Variants in CACNA1B observed in about 807,000 individuals in gnomAD.
CACNA1B encodes calcium voltage-gated channel subunit alpha1 B, also known as voltage-dependent N-type calcium channel subunit alpha-1B.
In CACNA1B, 70 loss-of-function variants were observed where a neutral mutation model predicts 247.2. The observed-to-expected ratio is 0.28, with a 90% CI of 0.23 to 0.35. CACNA1B has a LOEUF of 0.35. CACNA1B is among the 10% of genes least tolerant of loss of function. CACNA1B has a pLI of 1.00. For missense variants in CACNA1B, 2,367 were observed against 3,197.4 expected, an observed-to-expected ratio of 0.74 and a Z score of 6.26; for synonymous variants, 1,231 against 1,294.4, an observed-to-expected ratio of 0.95 and a Z score of 1.05.
chr9:138,058,679 T>A lies in CACNA1B; in HGVS notation c.4419T>A (p.Phe1473Leu), dbSNP rs1959604396. 6.2e-7 allele frequency: 1 copy of A among 1,612,726 alleles called. No homozygotes were observed. Among genetic ancestry groups the A allele is most frequent in the Non-Finnish European group, 8.5e-7 (1 of 1,179,440 alleles). ...KTWTFVVSPP[F>L]EYFIMAMIAL... ...GGACATTTGTGGTCTCCCCGCCCTTTGAATACTTCATCATGGCCATGATAG... is the reference window on the plus strand; with the variant it reads ...GGACATTTGTGGTCTCCCCGCCCTTAGAATACTTCATCATGGCCATGATAG... The change falls in exon 29 of 47, where the codon TTT becomes TTA. Residue 1473 changes from phenylalanine (F) to leucine (L), a missense_variant. By Grantham distance (22) the Phe-to-Leu change is conservative (BLOSUM62 0). Around this residue, in one of 12 missense-constraint regions of CACNA1B, gnomAD observed 436 missense variants for 679.5 expected, o/e 0.64. Transcript: ENST00000371372. This position sits in a 1 kb window ranked among gnomAD's most constrained non-coding sequence, Gnocchi z 4.7.
intron 6 of CACNA1B, among the ~76,000 whole-genome samples, chr9:137,929,706 A>T (rs1281169952): frequency 6.6e-6 from 1 of 152,140 alleles, no homozygotes; most frequent in African/African-American, 2.4e-5. Context: ...AGGCTGGAGT[A>T]CAGGGGCATG....
At chr9:138,078,584 G>A (rs949788683) in intron 36 of CACNA1B, among the ~76,000 whole-genome samples, 5 of 152,190 alleles carry the variant, frequency 3.3e-5, no homozygotes, top group South Asian at 4.1e-4. Flanking sequence ...GCCAGTGTAC[G>A]GGGAAAGCAG....
intron 3 of CACNA1B, among the ~76,000 whole-genome samples, chr9:137,900,425 G>T (rs1250981490): frequency 1.3e-5 from 2 of 152,106 alleles, no homozygotes; most frequent in African/African-American, 4.8e-5. Flanking sequence ...TGTCTCTGCT[G>T]TGTGTGTCTG....
chr9:137,880,242 G>A lies in CACNA1B; in HGVS notation c.390+1083G>A, dbSNP rs932256566. 3.9e-5 allele frequency among the ~76,000 whole-genome samples: 6 copies of A among 152,124 alleles called. No homozygotes were observed. Among genetic ancestry groups the A allele is most frequent in the Admixed American group, 3.9e-4 (6 of 15,282 alleles). On this transcript the variant is annotated intron_variant, in intron 2 of 46. Transcript: ENST00000371372. This position sits in a 1 kb window ranked among gnomAD's most constrained non-coding sequence, Gnocchi z 4.8. Reference sequence around the variant, plus strand: ...GTGAGTTATGGGTGGCCGAGGTGAGGAGGTCTTAATGGAGCACAGTCTGGA... The same window carrying A: ...GTGAGTTATGGGTGGCCGAGGTGAGAAGGTCTTAATGGAGCACAGTCTGGA...
Position 137,913,315 on chromosome 9 carries a change from C to A in CACNA1B, c.622+44C>A, listed in dbSNP as rs762076578. ...GGCCCAAGCCGGCTTGGAGTAACAA[C>A]CTCCTCTCCTACCCTCACCACGGAC... is the stretch of plus-strand genomic sequence containing the variant. On this transcript the variant is annotated intron_variant, in intron 4 of 46. Coordinates refer to ENST00000371372, the MANE Select transcript of CACNA1B (RefSeq NM_000718.4). The surrounding 1 kb of genome is among the most constrained non-coding windows in gnomAD (Gnocchi z 5.2). 3 of 1,416,098 alleles carry A rather than the reference C, an allele frequency of 2.1e-6. No individual in the cohort carries two copies. Among genetic ancestry groups the A allele is most frequent in the South Asian group, 2.3e-5 (2 of 86,150 alleles). The allele number at this position is 1,416,098 out of a possible 1,614,324, so 87.7% of individuals were successfully genotyped here.
intron 6 of CACNA1B, among the ~76,000 whole-genome samples, chr9:137,923,058 G>A (rs988393538): frequency 3.3e-5 from 5 of 152,210 alleles, no homozygotes. Flanking sequence ...GGTACTGGCT[G>A]CTTTCACTCA....
At chr9:138,043,536 A>T (rs549809110) in intron 20 of CACNA1B, among the ~76,000 whole-genome samples, 2 of 152,138 alleles carry the variant, frequency 1.3e-5, no homozygotes, top group Non-Finnish European at 2.9e-5. Flanking sequence ...GTTGTTGCCA[A>T]CGTTGGTGCA....
At chr9:138,055,637 T>TA (rs2133498558) in intron 26 of CACNA1B, among the ~76,000 whole-genome samples, 1 of 152,330 alleles carries the variant, frequency 6.6e-6, no homozygotes, top group South Asian at 2.1e-4. Flanking sequence ...TGGGTTAAGA[T>TA]ACGTTTTCTG....
chr9:137,977,852 G>A (rs1028700775), intron 12 of CACNA1B, among the ~76,000 whole-genome samples: 2 of 151,962 alleles, frequency 1.3e-5, no homozygotes, highest in Admixed American at 1.3e-4. Flanking sequence ...CTCTCAGGGT[G>A]GAGTGAAGGG....
chr9:138,004,648 A>G (rs1348846162), intron 15 of CACNA1B, among the ~76,000 whole-genome samples: 1 of 152,000 alleles, frequency 6.6e-6, no homozygotes. Flanking sequence ...CTTCCTGTGC[A>G]TGTTTAGCAC....
At chr9:138,112,716 G>T (rs1429222670) in intron 40 of CACNA1B, among the ~76,000 whole-genome samples, 1 of 152,346 alleles carries the variant, frequency 6.6e-6, no homozygotes, top group South Asian at 2.1e-4. Flanking sequence ...GTTGTGTTGA[G>T]CTCCTGGTGT....
intron 3 of CACNA1B, chr9:137,890,271 AC>A (rs1305606738): frequency 6.7e-6 from 1 of 148,974 alleles, no homozygotes; most frequent in Admixed American, 6.7e-5. Flanking sequence ...CGGATCTTTC[AC>A]CATGGGGACT....
rs752976624 is a variant in CACNA1B at position 138,096,628 on chromosome 9, GCTCT to G, written c.5222+18_5222+21del. 1.1e-5 allele frequency: 17 copies of G among 1,608,506 alleles called. No homozygotes were observed. Among genetic ancestry groups the G allele is most frequent in the Non-Finnish European group, 1.4e-5 (17 of 1,176,866 alleles). ...GGCTGCGTGGTAAGTGAGCCGTGGTGCTCTGTGGTCCTTGGGGGTGGTCCATGCC... is the reference window on the plus strand; with the variant it reads ...GGCTGCGTGGTAAGTGAGCCGTGGTGGTGGTCCTTGGGGGTGGTCCATGCC... On this transcript the variant is annotated intron_variant, in intron 37 of 46. Transcript: ENST00000371372.
chr9:137,958,262 C>G (rs1957972477), intron 10 of CACNA1B, among the ~76,000 whole-genome samples: 1 of 152,188 alleles, frequency 6.6e-6, no homozygotes, highest in Non-Finnish European at 1.5e-5. Flanking sequence ...TACACTTAAA[C>G]TGGACCTTTT....
At chr9:138,091,327 TA>T (rs1199503915) in intron 36 of CACNA1B, among the ~76,000 whole-genome samples, 3 of 151,378 alleles carry the variant, frequency 2.0e-5, no homozygotes, top group African/African-American at 2.4e-5. Context: ...ATGTGGAAGC[TA>T]AAAAAAAATT....
At position 137,877,884 on chromosome 9, in the gene CACNA1B, C is replaced by T. The variant is rs1475994711; in HGVS notation, c.-50C>T. ...TCTGAGCGCCTGGCGCGCCCCGCGCCCTCCCTGCCGGGGCCGCTGGGCCGG... is the reference window on the plus strand; with the variant it reads ...TCTGAGCGCCTGGCGCGCCCCGCGCTCTCCCTGCCGGGGCCGCTGGGCCGG... On this transcript the variant is annotated 5_prime_UTR_variant, in exon 1 of 47. Transcript: ENST00000371372. 1.8e-5 allele frequency: 17 copies of T among 954,246 alleles called. No homozygotes were observed. Among genetic ancestry groups the T allele is most frequent in the Non-Finnish European group, 2.1e-5 (17 of 796,364 alleles). The allele number at this position is 954,246 out of a possible 1,614,324, so 59.1% of individuals were successfully genotyped here.
Position 138,006,029 on chromosome 9 carries a change from TA to T in CACNA1B, c.1975-736del, listed in dbSNP as rs535955633. 7.6e-5 allele frequency among the ~76,000 whole-genome samples: 8 copies of T among 104,702 alleles called. No homozygotes were observed. In the South Asian group the frequency reaches 2.0e-3, roughly 27 times the overall value. 68.7% of individuals were successfully genotyped at this position (104,702 alleles called of 152,430 possible). A position where few individuals can be genotyped will look rare whatever the true frequency, so the allele number is the denominator to read the frequency against. ...CTGCACTCCAGCCTGGATGACAGAGTAAGACTCCATGTCAAAAAAAAAAAAA... is the reference window on the plus strand; with the variant it reads ...CTGCACTCCAGCCTGGATGACAGAGTAGACTCCATGTCAAAAAAAAAAAAA... On this transcript the variant is annotated intron_variant, in intron 15 of 46. Transcript: ENST00000371372.
At chr9:138,078,356 G>C (rs1960400374) in intron 36 of CACNA1B, 98 bp downstream of exon 36, 1 of 1,241,130 alleles carries the variant, frequency 8.1e-7, no homozygotes, top group Admixed American at 2.0e-5. Flanking sequence ...CTCTGATCCA[G>C]GCCATGTCAG....
rs752638089 is a variant in CACNA1B, at chr9:138,058,696, C to T, written c.4436C>T (p.Ala1479Val). The change falls in exon 29 of 47, where the codon GCC becomes GTC. Residue 1479 changes from alanine to valine, a missense_variant. Around this residue, in one of 12 missense-constraint regions of CACNA1B, gnomAD observed 436 missense variants for 679.5 expected, o/e 0.64. Transcript: ENST00000371372. This position sits in a 1 kb window ranked among gnomAD's most constrained non-coding sequence, Gnocchi z 4.7. ...VSPPFEYFIMAMIALNTVVLM... is the reference protein window; with the variant it reads ...VSPPFEYFIMVMIALNTVVLM... ...CCGCCCTTTGAATACTTCATCATGG[C>T]CATGATAGCCCTCAACACTGTGGTG... is the stretch of plus-strand genomic sequence containing the variant. 3.1e-6 allele frequency: 5 copies of T among 1,610,814 alleles called. No homozygotes were observed. The highest frequency in any genetic ancestry group is 4.5e-5 in the East Asian group (2 of 44,794).
Sources: allele counts gnomAD v4.1 joint callset (sites outside exome capture counted in the v4.1 genomes callset), GRCh38; gene constraint gnomAD v4.1.1; regional missense constraint gnomAD v4.1.1; non-coding constraint Gnocchi (gnomAD v3.1); transcripts MANE v1.5; gene names NCBI Gene and HGNC (gene_info 2026-07-23, HGNC 2026-07-21).